The following PDE1C variants were observed in gnomAD, a reference collection of about 807,000 sequenced individuals.
The protein encoded by PDE1C is dual specificity calcium/calmodulin-dependent 3',5'-cyclic nucleotide phosphodiesterase 1C.
In PDE1C, 62 loss-of-function variants were observed where a neutral mutation model predicts 93.1. The ratio of observed to expected loss-of-function variants is 0.67; its 90% CI spans 0.54 to 0.82. PDE1C has a LOEUF of 0.82. Among genes scored for constraint, PDE1C ranks in the 40% least tolerant of loss-of-function variants. The pLI is 0.00. For synonymous variants in PDE1C, 325 were observed against 310.1 expected (o/e 1.05, Z -0.50); for missense variants, 742 against 884.6 (o/e 0.84, Z 2.04).
chr7:31,815,838 C>A, intron 15 of PDE1C, 86 bp downstream of exon 15: 1 of 997,396 alleles, frequency 1.0e-6, no homozygotes, highest in Non-Finnish European at 1.6e-6. Context: ...GTGAGCTGAC[C>A]CCATCAGTAG....
At chr7:32,298,974 CTCCAAGCCGAGT>C in exon 1 of PDE1C, 1 of 1,290,538 alleles carries the variant, frequency 7.7e-7, no homozygotes, top group Non-Finnish European at 9.8e-7. Flanking sequence ...ACTGCCCCAT[CTCCAAGCCGAGT>C]TCCAGAGGCG....
chr7:32,409,592 G>A (rs891083789), intron 1 of PDE1C, among the ~76,000 whole-genome samples: 2 of 151,992 alleles, frequency 1.3e-5, no homozygotes, highest in Non-Finnish European at 2.9e-5. Context: ...TCTAGAAAGG[G>A]AGATATGGTT....
At chr7:32,054,396 T>A (rs1379330869) in intron 1 of PDE1C, among the ~76,000 whole-genome samples, 2 of 152,164 alleles carry the variant, frequency 1.3e-5, no homozygotes, top group Non-Finnish European at 1.5e-5. Context: ...TGATCTCAAA[T>A]GAGATAGTGT....
rs865911399 is a variant in PDE1C at position 32,179,265 on chromosome 7, C to A, written c.137-9309G>T. Among the ~76,000 whole-genome samples, 8 of 131,348 alleles carry A rather than the reference C, an allele frequency of 6.1e-5. 2 individuals are homozygous for A. The allele number at this position is 131,348 out of a possible 152,430, so 86.2% of individuals were successfully genotyped here. A position where few individuals can be genotyped will look rare whatever the true frequency, so the allele number is the denominator to read the frequency against. ...CAACTAGGAAGAGTCCTGACTTAGT[C>A]TTTTTTTTTTTTTTTTTGGAGTCTC... On this transcript the variant is annotated intron_variant, in intron 2 of 18. Coordinates refer to the PDE1C transcript ENST00000396193.
intron 3 of PDE1C, among the ~76,000 whole-genome samples, chr7:32,097,956 C>T (rs1445120593): frequency 2.7e-5 from 4 of 149,642 alleles, no homozygotes; most frequent in African/African-American, 5.1e-5. Context: ...TCCGGCCGGG[C>T]GCGGTGGCTC....
At chr7:31,829,489 T>G (rs985813190) in intron 11 of PDE1C, among the ~76,000 whole-genome samples, 2 of 152,140 alleles carry the variant, frequency 1.3e-5, no homozygotes, top group Non-Finnish European at 2.9e-5. Context: ...AGTAACAACC[T>G]GCAACCAGGC....
At chr7:32,361,993 G>T (rs894761437) in intron 1 of PDE1C, among the ~76,000 whole-genome samples, 3 of 152,216 alleles carry the variant, frequency 2.0e-5, no homozygotes, top group Non-Finnish European at 4.4e-5. Context: ...AAATGGCTCT[G>T]CTCTGTGGAG....
intron 7 of PDE1C, among the ~76,000 whole-genome samples, chr7:31,856,577 T>C (rs1794045940): frequency 6.6e-6 from 1 of 152,174 alleles, no homozygotes; most frequent in Non-Finnish European, 1.5e-5. Context: ...AATAGGTGTG[T>C]TGAATAGATG....
intron 1 of PDE1C, among the ~76,000 whole-genome samples, chr7:32,217,394 G>A (rs1366817421): frequency 9.2e-5 from 14 of 152,216 alleles, no homozygotes; most frequent in Admixed American, 9.2e-4. Context: ...TCTCAGAGAA[G>A]GGATGTGCCC....
In PDE1C at chr7:31,752,780, T is replaced by C. The variant is rs1794201555; in HGVS notation, c.*604A>G. The C allele has an allele frequency of 1.3e-5, 2 of 152,204 alleles. No individual in the cohort carries two copies. The highest frequency in any genetic ancestry group is 4.8e-5 in the African/African-American group (2 of 41,458). 9.4% of individuals were successfully genotyped at this position (152,204 alleles called of 1,614,324 possible). A position where few individuals can be genotyped will look rare whatever the true frequency, so the allele number is the denominator to read the frequency against. On this transcript the variant is annotated 3_prime_UTR_variant, in exon 18 of 18. Coordinates refer to ENST00000396191, the MANE Select transcript of PDE1C (RefSeq NM_001191057.4). ...TGTTTTTTAACTTGGATTTGCTTTATAAGCGTGAATTCTGAAATGTCCATG... is the reference window on the plus strand; with the variant it reads ...TGTTTTTTAACTTGGATTTGCTTTACAAGCGTGAATTCTGAAATGTCCATG...
At chr7:31,739,173 A>G in the PDE1C span, among the ~76,000 whole-genome samples, 14 of 150,004 alleles carry the variant, frequency 9.3e-5, no homozygotes, top group African/African-American at 3.2e-4. Context: ...CTAAAACGTC[A>G]GTGATTGACG....
chr7:31,747,637 A>G (rs1240209447), downstream of PDE1C, among the ~76,000 whole-genome samples: 1 of 152,140 alleles, frequency 6.6e-6, no homozygotes, highest in Non-Finnish European at 1.5e-5. Context: ...CTTATCACTT[A>G]CATCAGTCTC....
At chr7:32,362,212 G>A (rs755856609) in intron 1 of PDE1C, among the ~76,000 whole-genome samples, 9 of 152,168 alleles carry the variant, frequency 5.9e-5, no homozygotes, top group African/African-American at 1.9e-4. Context: ...ATGCCTCAGA[G>A]GCGTGTGTGC....
chr7:32,240,849 C>T (rs1808495026), intron 1 of PDE1C, among the ~76,000 whole-genome samples: 1 of 152,034 alleles, frequency 6.6e-6, no homozygotes, highest in African/African-American at 2.4e-5. Flanking sequence ...ATACAAGATT[C>T]AGTCAAGAGA....
At chr7:32,069,004 G>A (rs185795145) in intron 1 of PDE1C, among the ~76,000 whole-genome samples, 1 of 152,200 alleles carries the variant, frequency 6.6e-6, no homozygotes, top group Non-Finnish European at 1.5e-5. Context: ...AGGAAAGCCT[G>A]CCAGCCAGAG....
intron 7 of PDE1C, among the ~76,000 whole-genome samples, chr7:31,859,243 TGAGA>T (rs1263513915): frequency 6.7e-6 from 1 of 148,332 alleles, no homozygotes; most frequent in Non-Finnish European, 1.5e-5. Flanking sequence ...ATAGAGAGAG[TGAGA>T]GAGAGTCAGG....
chr7:31,817,577 T>A (rs1418272843), intron 14 of PDE1C, among the ~76,000 whole-genome samples: 2 of 152,156 alleles, frequency 1.3e-5, no homozygotes, highest in Non-Finnish European at 2.9e-5. Context: ...ACTGCCAAGG[T>A]CTTCTAGCCT....
At chr7:32,381,397 C>A (rs936372886) in intron 1 of PDE1C, among the ~76,000 whole-genome samples, 1 of 152,126 alleles carries the variant, frequency 6.6e-6, no homozygotes, top group Non-Finnish European at 1.5e-5. Context: ...CTCACCCTCA[C>A]CATGGCATTT....
At chr7:32,269,593 C>T (rs1810832305) in intron 1 of PDE1C, among the ~76,000 whole-genome samples, 1 of 152,146 alleles carries the variant, frequency 6.6e-6, no homozygotes, top group Non-Finnish European at 1.5e-5. Context: ...GATTCTTCTG[C>T]CTTAGCCTTC....
Sources: gnomAD v4.1 joint callset for allele counts (sites outside exome capture counted in the v4.1 genomes callset) on GRCh38, gnomAD v4.1.1 for gene constraint, MANE v1.5 for transcripts, NCBI Gene and HGNC (gene_info 2026-07-23, HGNC 2026-07-21) for gene names.